Variants in CNDP1 observed in about 807,000 individuals in gnomAD.
CNDP1 encodes the protein carnosine dipeptidase 1.
In CNDP1, 44 loss-of-function variants were observed where a neutral mutation model predicts 58.1. The observed-to-expected ratio is 0.76, with a 90% CI of 0.60 to 0.97. CNDP1 has a LOEUF of 0.97. CNDP1 is among the 50% of genes least tolerant of loss of function. The pLI, the probability that CNDP1 is intolerant of heterozygous loss-of-function variation, is 0.00. For missense variants in CNDP1, 616 were observed against 655.1 expected (o/e 0.94, Z 0.65); for synonymous variants, 254 against 252.6 (o/e 1.01, Z -0.05).
At chr18:74,573,833 C>T (rs1241796490) in intron 7 of CNDP1, among the ~76,000 whole-genome samples, 4 of 152,186 alleles carry the variant, frequency 2.6e-5, no homozygotes, top group Non-Finnish European at 4.4e-5. Flanking sequence ...AAGGAAGAGT[C>T]GGCTCGGGCT....
At chr18:74,553,502 T>C (rs1469098668) in intron 1 of CNDP1, among the ~76,000 whole-genome samples, 1 of 152,198 alleles carries the variant, frequency 6.6e-6, no homozygotes, top group Non-Finnish European at 1.5e-5. Flanking sequence ...GCCAGCACTA[T>C]TTATTGAAAA....
chr18:74,584,167 T>C (rs755374487), intron 11 of CNDP1: 4 of 363,526 alleles, frequency 1.1e-5, no homozygotes, highest in African/African-American at 4.1e-5. Context: ...TATGCGCTAC[T>C]GGCAGATACT....
Position 74,580,113 on chromosome 18 carries a change from A to G in CNDP1, c.1168-17A>G. 6.2e-7 allele frequency: 1 copy of G among 1,607,676 alleles called. No homozygotes were observed. Among genetic ancestry groups the G allele is most frequent in the Non-Finnish European group, 8.5e-7 (1 of 1,175,636 alleles). On this transcript the variant is annotated splice_polypyrimidine_tract_variant and intron_variant, in intron 9 of 11. Coordinates refer to ENST00000358821, the MANE Select transcript of CNDP1 (RefSeq NM_032649.6). ...AACTTGACACTTTCTCTTATCATTG[A>G]AAATGTCACCTTTTAGGTGACACGA...
intron 1 of CNDP1, among the ~76,000 whole-genome samples, chr18:74,551,909 GA>G (rs551878661): frequency 8.5e-4 from 113 of 133,478 alleles, no homozygotes; most frequent in African/African-American, 1.1e-3. Flanking sequence ...GATCGATTGC[GA>G]AAAAAAAAAA....
intron 1 of CNDP1, among the ~76,000 whole-genome samples, chr18:74,554,747 C>CT (rs1433070017): frequency 5.3e-5 from 8 of 152,180 alleles, no homozygotes; most frequent in African/African-American, 1.9e-4. Context: ...GGGATATTTG[C>CT]TTTACCCCAA....
intron 10 of CNDP1, among the ~76,000 whole-genome samples, 187 bp downstream of exon 10, chr18:74,580,458 A>G (rs1344955661): frequency 1.3e-5 from 2 of 152,230 alleles, no homozygotes; most frequent in African/African-American, 2.4e-5. Context: ...CATCCTCCCA[A>G]TGGCCTTCCC....
At chr18:74,547,611 A>G (rs913325983) in intron 1 of CNDP1, among the ~76,000 whole-genome samples, 3 of 152,224 alleles carry the variant, frequency 2.0e-5, no homozygotes, top group African/African-American at 7.2e-5. Flanking sequence ...CAAGACCTCC[A>G]TCAGCTAAGC....
At chr18:74,576,767 G>A (rs1009231808) in intron 7 of CNDP1, 102 bp from the exon 8 acceptor site, 1 of 1,069,232 alleles carries the variant, frequency 9.4e-7, no homozygotes, top group Non-Finnish European at 1.3e-6. Flanking sequence ...CAGTCAAGAG[G>A]CCTGCTGCAA....
chr18:74,581,222 G>C (rs1485526207), intron 10 of CNDP1, among the ~76,000 whole-genome samples: 3 of 43,892 alleles, frequency 6.8e-5, no homozygotes, highest in African/African-American at 1.4e-4. Flanking sequence ...CCTATCCTGT[G>C]TGTGTGTGTG....
chr18:74,572,012 G>T (rs1256189940), intron 7 of CNDP1, among the ~76,000 whole-genome samples: 5 of 152,186 alleles, frequency 3.3e-5, no homozygotes, highest in African/African-American at 1.2e-4. Context: ...TGTCACGGTG[G>T]CTGGAATGCA....
At chr18:74,560,010 CTTTTT>C (rs398033526) in intron 3 of CNDP1, among the ~76,000 whole-genome samples, 22 of 121,308 alleles carry the variant, frequency 1.8e-4, no homozygotes, top group African/African-American at 5.8e-4. Flanking sequence ...CATCTGCATT[CTTTTT>C]TTTTTTTTTT....
chr18:74,585,354 T>G lies in CNDP1; in HGVS notation c.*792T>G, dbSNP rs942292409. On this transcript the variant is annotated 3_prime_UTR_variant, in exon 12 of 12. Transcript: ENST00000358821. ...TGCACCAGAGCAGAATTTATCCTGA[T>G]AGAATTTCTCTCACCCCATTGAAGT... The G allele has an allele frequency of 6.6e-6, 1 of 152,248 alleles. No homozygotes were observed. Among genetic ancestry groups the G allele is most frequent in the Admixed American group, 6.5e-5 (1 of 15,282 alleles). 9.4% of individuals were successfully genotyped at this position (152,248 alleles called of 1,614,324 possible). A position where few individuals can be genotyped will look rare whatever the true frequency, so the allele number is the denominator to read the frequency against.
At position 74,556,223 on chromosome 18, in the gene CNDP1, G is replaced by A. The variant is rs537223811; in HGVS notation, c.25-115G>A. ...CTACCGCCTTGTGTTATTTTATTCC[G>A]ACTGACTGGAGGCAGCTGTGTGAGG... is the stretch of plus-strand genomic sequence containing the variant. On this transcript the variant is annotated intron_variant, in intron 1 of 11. Transcript: ENST00000358821. The A allele has an allele frequency of 3.0e-5, 35 of 1,154,600 alleles. No individual in the cohort carries two copies. The East Asian group carries it at 5.3e-4, about 17-fold the overall frequency. The allele number at this position is 1,154,600 out of a possible 1,614,324, so 71.5% of individuals were successfully genotyped here. A position where few individuals can be genotyped will look rare whatever the true frequency, so the allele number is the denominator to read the frequency against.
At position 74,547,657 on chromosome 18, in the gene CNDP1, G is replaced by GT. The variant is rs532912749; in HGVS notation, c.25-8681_25-8680insT. On this transcript the variant is annotated intron_variant, in intron 1 of 11. Coordinates refer to ENST00000358821, the MANE Select transcript of CNDP1 (RefSeq NM_032649.6). ...TGCAACTCTCCAGTTGTTAGCAAGA[G>GT]CTAGGAGGGAGGTGGAGGCGAAGCC... 1.9e-3 allele frequency among the ~76,000 whole-genome samples: 283 copies of GT among 152,348 alleles called. 2 individuals carry two copies. Among genetic ancestry groups the GT allele is most frequent in the African/African-American group, 6.7e-3 (278 of 41,586 alleles).
In CNDP1 at chr18:74,576,947, T is replaced by A; in HGVS notation, c.920T>A (p.Ile307Lys). ...GTGGTTCCTCTTACAGAAGAGGAAA[T>A]AAATACATACAAAGCCATCCATCTA... Reference protein sequence around the residue: ...DEVVPLTEEEINTYKAIHLDL... With the variant: ...DEVVPLTEEEKNTYKAIHLDL... The change falls in exon 8 of 12, where the codon ATA becomes AAA. Residue 307 changes from isoleucine to lysine, a missense_variant. Coordinates refer to ENST00000358821, the MANE Select transcript of CNDP1 (RefSeq NM_032649.6). 3 of 1,613,646 alleles carry A rather than the reference T, an allele frequency of 1.9e-6. No individual in the cohort carries two copies. Among genetic ancestry groups the A allele is most frequent in the Non-Finnish European group, 2.5e-6 (3 of 1,179,778 alleles).
chr18:74,571,975 G>A (rs933481301), intron 7 of CNDP1, among the ~76,000 whole-genome samples: 1 of 152,112 alleles, frequency 6.6e-6, no homozygotes, highest in Non-Finnish European at 1.5e-5. Context: ...CTTTTAGGAT[G>A]CAAAAAGGTG....
At chr18:74,546,192 G>A (rs1030740441) in intron 1 of CNDP1, among the ~76,000 whole-genome samples, 10 of 152,190 alleles carry the variant, frequency 6.6e-5, no homozygotes, top group African/African-American at 1.7e-4. Flanking sequence ...GGAAGGTTCC[G>A]GAAGTAGTGC....
chr18:74,569,719 G>A (rs1257149688), intron 6 of CNDP1, among the ~76,000 whole-genome samples: 2 of 152,226 alleles, frequency 1.3e-5, no homozygotes, highest in African/African-American at 4.8e-5. Context: ...AGTTCCCAAG[G>A]AGGCAATTCT....
intron 1 of CNDP1, among the ~76,000 whole-genome samples, chr18:74,544,852 G>T (rs546508616): frequency 1.8e-4 from 28 of 152,020 alleles, no homozygotes; most frequent in Non-Finnish European, 3.4e-4. Flanking sequence ...TTTGGAAACA[G>T]GGTTTTTACA....
Sources: allele counts gnomAD v4.1 joint callset (sites outside exome capture counted in the v4.1 genomes callset), GRCh38; gene constraint gnomAD v4.1.1; transcripts MANE v1.5; gene names NCBI Gene and HGNC (gene_info 2026-07-23, HGNC 2026-07-21).